FMNL2: variants seen among roughly 807,000 people sequenced by gnomAD.
FMNL2 encodes formin-like protein 2.
Under a neutral mutation model 130.2 loss-of-function variants are expected in FMNL2, and 51 were observed. That is an observed-to-expected ratio of 0.39 (90% confidence interval 0.31 to 0.49). The LOEUF (loss-of-function observed/expected upper bound fraction) is 0.49, where lower values mean the gene tolerates loss of function less well. Among genes scored for constraint, FMNL2 ranks in the 20% least tolerant of loss-of-function variants. The pLI, the probability that FMNL2 is intolerant of heterozygous loss-of-function variation, is 0.85. For synonymous variants in FMNL2, 465 were observed against 467.1 expected (o/e 1.00, Z 0.06); for missense variants, 977 against 1,316.2 (o/e 0.74, Z 3.99).
At chr2:152,429,643 C>T (rs1269346312) in intron 1 of FMNL2, among the ~76,000 whole-genome samples, 2 of 150,916 alleles carry the variant, frequency 1.3e-5, no homozygotes, top group Non-Finnish European at 2.9e-5. Flanking sequence ...TCTAAGACTT[C>T]TGTGGCATCT....
chr2:152,352,094 G>A (rs897557694), intron 1 of FMNL2, among the ~76,000 whole-genome samples: 1 of 152,074 alleles, frequency 6.6e-6, no homozygotes, highest in Non-Finnish European at 1.5e-5. Flanking sequence ...AGGATGGGTG[G>A]GAATTTTGGT....
At chr2:152,492,036 A>G (rs1691238860) in intron 1 of FMNL2, among the ~76,000 whole-genome samples, 2 of 152,236 alleles carry the variant, frequency 1.3e-5, no homozygotes, top group African/African-American at 4.8e-5. Context: ...ATGTACTATG[A>G]AAAATAGTAA....
intron 1 of FMNL2, among the ~76,000 whole-genome samples, chr2:152,490,152 C>T (rs997873398): frequency 2.6e-5 from 4 of 151,822 alleles, no homozygotes; most frequent in African/African-American, 9.7e-5. Context: ...TTAATTTCGC[C>T]ATGGTAGAGG....
chr2:152,365,979 C>T (rs1328424188), intron 1 of FMNL2, among the ~76,000 whole-genome samples: 1 of 151,896 alleles, frequency 6.6e-6, no homozygotes, highest in East Asian at 1.9e-4. Context: ...ATACGTATAC[C>T]CATGTAAAAA....
intron 1 of FMNL2, among the ~76,000 whole-genome samples, chr2:152,514,247 TTTGAAGACCCC>T (rs1692638505): frequency 6.6e-6 from 1 of 152,148 alleles, no homozygotes; most frequent in Non-Finnish European, 1.5e-5. Flanking sequence ...CCTCATTTGA[TTTGAAGACCCC>T]TTGAAGACTT....
At chr2:152,429,137 G>GT (rs1263295728) in intron 1 of FMNL2, among the ~76,000 whole-genome samples, 5 of 147,670 alleles carry the variant, frequency 3.4e-5, no homozygotes, top group Admixed American at 2.8e-4. Flanking sequence ...GTTTACCTAC[G>GT]TAACAAACCT....
chr2:152,343,782 T>C (rs1681951492), intron 1 of FMNL2, among the ~76,000 whole-genome samples: 1 of 152,156 alleles, frequency 6.6e-6, no homozygotes, highest in Admixed American at 6.5e-5. Context: ...TTATTTAAGC[T>C]AGAATAAGGG....
At chr2:152,508,013 A>G (rs1579050) in intron 1 of FMNL2, among the ~76,000 whole-genome samples, 63,173 of 152,106 alleles carry the variant, frequency 0.42, 15,936 homozygotes, top group Non-Finnish European at 0.57. Context: ...TTAATTTGAT[A>G]AATCGTATTC....
At chr2:152,522,388 G>A (rs1267740527) in intron 2 of FMNL2, among the ~76,000 whole-genome samples, 5 of 152,194 alleles carry the variant, frequency 3.3e-5, no homozygotes, top group African/African-American at 9.6e-5. Flanking sequence ...TGCTGCTGAA[G>A]GGCCCAGATA....
At chr2:152,450,501 T>A (rs1688582982) in intron 1 of FMNL2, among the ~76,000 whole-genome samples, 1 of 152,236 alleles carries the variant, frequency 6.6e-6, no homozygotes, top group Non-Finnish European at 1.5e-5. Flanking sequence ...ACTAAAAAGC[T>A]TTTCTGATTT....
At position 152,565,089 on chromosome 2, in the gene FMNL2, A is replaced by G. The variant is rs73969124; in HGVS notation, c.596+4054A>G. On this transcript the variant is annotated intron_variant, in intron 6 of 25. Transcript: ENST00000288670. ...AGAGCTAGCTAAATTTAACAATGCCATATAGGCACATATGTGCACATCAGA... is the reference window on the plus strand; with the variant it reads ...AGAGCTAGCTAAATTTAACAATGCCGTATAGGCACATATGTGCACATCAGA... Among the ~76,000 whole-genome samples the G allele has an allele frequency of 8.1e-3, 1,232 of 152,320 alleles. 19 individuals carry two copies. Among genetic ancestry groups the G allele is most frequent in the African/African-American group, 0.028 (1,184 of 41,570 alleles).
chr2:152,448,951 C>T (rs934899678), intron 1 of FMNL2, among the ~76,000 whole-genome samples: 1 of 152,182 alleles, frequency 6.6e-6, no homozygotes. Flanking sequence ...TTGTGTTTGT[C>T]GAGAAGAAAC....
chr2:152,481,388 G>C (rs555053499), intron 1 of FMNL2, among the ~76,000 whole-genome samples: 32 of 152,318 alleles, frequency 2.1e-4, no homozygotes, highest in Admixed American at 6.5e-4. Flanking sequence ...TAATTAACTT[G>C]ATTATGACTT....
At chr2:152,581,111 C>T (rs528245921) in intron 9 of FMNL2, 62 bp downstream of exon 9, 281 of 1,442,020 alleles carry the variant, frequency 1.9e-4, no homozygotes, top group Admixed American at 4.6e-4. Context: ...CATCTTTGAA[C>T]GGAATTATTT....
chr2:152,350,811 G>A (rs1682435046), intron 1 of FMNL2, among the ~76,000 whole-genome samples: 2 of 152,158 alleles, frequency 1.3e-5, no homozygotes, highest in African/African-American at 2.4e-5. Context: ...TTGAGAGGCC[G>A]AGGTGGGCAG....
At chr2:152,517,967 A>G (rs1692871078) in intron 1 of FMNL2, among the ~76,000 whole-genome samples, 1 of 152,200 alleles carries the variant, frequency 6.6e-6, no homozygotes, top group Non-Finnish European at 1.5e-5. Flanking sequence ...GAAGACTCGG[A>G]AATTGATTGA....
At chr2:152,456,373 T>A (rs1688955499) in intron 1 of FMNL2, among the ~76,000 whole-genome samples, 1 of 152,162 alleles carries the variant, frequency 6.6e-6, no homozygotes, top group Admixed American at 6.5e-5. Flanking sequence ...GAATGTTGAT[T>A]GATTGTTTTG....
intron 1 of FMNL2, among the ~76,000 whole-genome samples, chr2:152,348,069 G>A (rs1319267814): frequency 6.6e-6 from 1 of 151,884 alleles, no homozygotes; most frequent in East Asian, 1.9e-4. Flanking sequence ...AACTATACCA[G>A]CCTTCAAAGT....
rs534327310 is a variant in FMNL2, at chr2:152,572,548, G to A, written c.597-2588G>A. Among the ~76,000 whole-genome samples, 10 of 152,268 alleles carry A rather than the reference G, an allele frequency of 6.6e-5. No homozygotes were observed. The South Asian group carries it at 1.9e-3, about 28-fold the overall frequency. Reference sequence around the variant, plus strand: ...GCTTCTGCAGGGCGCAGTGGCTCATGCTTTTAATCCCAGCACTTTGGGAGG... The same window carrying A: ...GCTTCTGCAGGGCGCAGTGGCTCATACTTTTAATCCCAGCACTTTGGGAGG... On this transcript the variant is annotated intron_variant, in intron 6 of 25. Transcript: ENST00000288670.
Sources: allele counts gnomAD v4.1 joint callset (sites outside exome capture counted in the v4.1 genomes callset), GRCh38; gene constraint gnomAD v4.1.1; transcripts MANE v1.5; gene names NCBI Gene and HGNC (gene_info 2026-07-23, HGNC 2026-07-21).